The following ZNF707 variants were observed in gnomAD, a reference collection of about 807,000 sequenced individuals.
ZNF707 encodes the protein zinc finger protein 707.
ZNF707 carries 8 observed loss-of-function variants against 13.3 expected under a neutral mutation model. The observed-to-expected ratio is 0.60, with a 90% confidence interval of 0.35 to 1.09. The LOEUF is 1.09. Among genes scored for constraint, ZNF707 ranks in the 50% least tolerant of loss-of-function variants. The pLI is 0.02. For synonymous variants in ZNF707, 225 were observed against 205.6 expected (o/e 1.09, Z -0.81); for missense variants, 530 against 512.6 (o/e 1.03, Z -0.33).
intron 3 of ZNF707, 90 bp from the exon 4 acceptor site, chr8:143,690,983 G>T (rs141561869): frequency 1.1e-4 from 174 of 1,514,300 alleles, no homozygotes; most frequent in Non-Finnish European, 1.4e-4. Flanking sequence ...CCACCGCAGG[G>T]CCACTCCCAT....
At chr8:143,691,753 T>C (rs1554613710) in intron 5 of ZNF707, 40 bp downstream of exon 5, 2 of 1,504,500 alleles carry the variant, frequency 1.3e-6, no homozygotes. Context: ...GCCCCGTCCC[T>C]GTGGCCCACA....
chr8:143,686,610 A>G (rs1242824025), intron 1 of ZNF707, among the ~76,000 whole-genome samples: 1 of 152,030 alleles, frequency 6.6e-6, no homozygotes, highest in Non-Finnish European at 1.5e-5. Flanking sequence ...CCTTTGTCAG[A>G]TACATGTATT....
In ZNF707 at chr8:143,691,690, CAGTGCAGAGGG is replaced by C; in HGVS notation, c.234_244del (p.Val79ThrfsTer16). 6.2e-7 allele frequency: 1 copy of C among 1,600,704 alleles called. No individual in the cohort carries two copies. The highest frequency in any genetic ancestry group is 8.5e-7 in the Non-Finnish European group (1 of 1,174,320). ...GACCGGGAGAGACCTGAGTTCCAGG[CAGTGCAGAGGG>C]GACCCCGGCCAGGTGAGTGCTGGGC... On this transcript the variant is annotated frameshift_variant, in exon 5 of 6. Coordinates refer to ENST00000358656, the MANE Select transcript of ZNF707 (RefSeq NM_001100598.2). LOFTEE classifies it low-confidence loss of function (END_TRUNC).
In ZNF707 at chr8:143,690,087, G is replaced by C; in HGVS notation, c.-22G>C. ...CCCTCCTTGGCACTGTGCTTCCCCAGAGGGGTGGCCTCGCTGTTCCCATGG... is the reference window on the plus strand; with the variant it reads ...CCCTCCTTGGCACTGTGCTTCCCCACAGGGGTGGCCTCGCTGTTCCCATGG... On this transcript the variant is annotated 5_prime_UTR_variant, in exon 3 of 6. Coordinates refer to ENST00000358656, the MANE Select transcript of ZNF707 (RefSeq NM_001100598.2). The C allele has an allele frequency of 6.2e-7, 1 of 1,609,096 alleles. No individual in the cohort carries two copies. Among genetic ancestry groups the C allele is most frequent in the Non-Finnish European group, 8.5e-7 (1 of 1,179,774 alleles).
In ZNF707 at chr8:143,684,488, TG is replaced by T. The variant is rs1190771225; in HGVS notation, c.-202del. The T allele has an allele frequency of 6.6e-6, 1 of 152,134 alleles. No individual in the cohort carries two copies. Among genetic ancestry groups the T allele is most frequent in the Non-Finnish European group, 1.5e-5 (1 of 68,070 alleles). The allele number at this position is 152,134 out of a possible 1,614,324, so 9.4% of individuals were successfully genotyped here. The stretch of plus-strand genomic sequence containing the variant: ...TCCGCTCGGGAAGTTTGTAAAAGTC[TG>T]GGCTACCGGCGCGGCGTAGTGGATG... On this transcript the variant is annotated 5_prime_UTR_variant, in exon 1 of 6. Coordinates refer to ENST00000358656, the MANE Select transcript of ZNF707 (RefSeq NM_001100598.2).
rs782532924 is a variant in ZNF707 at position 143,691,626 on chromosome 8, G to A, written c.169G>A (p.Val57Ile). 3.7e-6 allele frequency: 6 copies of A among 1,609,182 alleles called. No individual in the cohort carries two copies. The highest frequency in any genetic ancestry group is 4.2e-6 in the Non-Finnish European group (5 of 1,178,182). ...LGFCSPRPDL[V>I]SRLEQWEEPW... is the part of the protein sequence containing the mutation. ...ATTTTGCAGCCCCAGACCAGACCTC[G>A]TCTCTCGCCTGGAACAGTGGGAGGA... Residue 57 changes from valine (V) to isoleucine (I), a missense_variant, in exon 5 of 6, where the codon GTC becomes ATC. Physicochemically the swap from Val to Ile is conservative, Grantham distance 29 (BLOSUM62 3). Transcript: ENST00000358656.
chr8:143,691,101 T>C lies in ZNF707; in HGVS notation c.44T>C (p.Ile15Thr). The change falls in exon 4 of 6, where the codon ATC (isoleucine) becomes ACC (threonine). Residue 15 changes from isoleucine (I) to threonine (T), a missense_variant. By Grantham distance (89) the Ile-to-Thr change is moderately conservative. Transcript: ENST00000358656. ...QEPVTFRDVA[I>T]YFSREEWACL... ...CCAGTGACCTTCAGGGACGTGGCCA[T>C]CTACTTCTCAAGGGAGGAGTGGGCG... 1.2e-6 allele frequency: 2 copies of C among 1,613,888 alleles called. No homozygotes were observed. Among genetic ancestry groups the C allele is most frequent in the Non-Finnish European group, 1.7e-6 (2 of 1,179,866 alleles).
At chr8:143,688,726 C>G (rs975693518) in intron 1 of ZNF707, 1 of 150,498 alleles carries the variant, frequency 6.6e-6, no homozygotes, top group Admixed American at 6.6e-5. Flanking sequence ...CTGCAACCTC[C>G]GCCTCCCATA....
At chr8:143,687,275 C>CA (rs1816377607) in intron 1 of ZNF707, 1 of 152,296 alleles carries the variant, frequency 6.6e-6, no homozygotes, top group Non-Finnish European at 1.5e-5. Flanking sequence ...GGCTGGAGTG[C>CA]AGTGGCACAA....
chr8:143,689,614 T>G (rs1476945828), intron 2 of ZNF707, among the ~76,000 whole-genome samples: 1 of 152,140 alleles, frequency 6.6e-6, no homozygotes, highest in African/African-American at 2.4e-5. Context: ...GTGGCCTCCT[T>G]GTAGCGTACC....
At position 143,694,320 on chromosome 8, in the gene ZNF707, C is replaced by A; in HGVS notation, c.906C>A (p.Asn302Lys). ...DCGKAFRTKE[N>K]LSHHQRVHSG... The stretch of plus-strand genomic sequence containing the variant: ...GCAAAGCCTTCCGGACCAAGGAGAA[C>A]CTCAGCCACCACCAGAGGGTCCACA... Residue 302 changes from asparagine to lysine, a missense_variant, in exon 6 of 6, where the codon AAC (asparagine) becomes AAA (lysine). By Grantham distance (94) the Asn-to-Lys change is moderately conservative (BLOSUM62 0). Coordinates refer to ENST00000358656, the MANE Select transcript of ZNF707 (RefSeq NM_001100598.2). This position sits in a 1 kb window ranked among gnomAD's most constrained non-coding sequence, Gnocchi z 4.4. 6.2e-7 allele frequency: 1 copy of A among 1,602,792 alleles called. No homozygotes were observed. The highest frequency in any genetic ancestry group is 8.5e-7 in the Non-Finnish European group (1 of 1,173,014).
At chr8:143,689,987 G>T in intron 2 of ZNF707, 70 bp from the exon 3 acceptor site, 2 of 1,257,488 alleles carry the variant, frequency 1.6e-6, no homozygotes, top group African/African-American at 1.5e-5. Context: ...TGAGTGGGGG[G>T]GCTCCTGGGG....
In ZNF707 at chr8:143,694,122, C is replaced by T; in HGVS notation, c.708C>T (p.Ala236=). 2 of 1,600,750 alleles carry T rather than the reference C, an allele frequency of 1.2e-6. No homozygotes were observed. Among genetic ancestry groups the T allele is most frequent in the East Asian group, 4.5e-5 (2 of 44,512 alleles). The change falls in exon 6 of 6, where the codon GCC becomes GCT. Residue 236 remains alanine, a synonymous_variant. Coordinates refer to ENST00000358656, the MANE Select transcript of ZNF707 (RefSeq NM_001100598.2). This position sits in a 1 kb window ranked among gnomAD's most constrained non-coding sequence, Gnocchi z 4.4. ...HTREKPFCCE[A]CGQAFSLKDR... Reference sequence around the variant, plus strand: ...GCGAGAAGCCCTTCTGCTGCGAGGCCTGCGGGCAGGCGTTCAGCCTGAAGG... The same window carrying T: ...GCGAGAAGCCCTTCTGCTGCGAGGCTTGCGGGCAGGCGTTCAGCCTGAAGG...
chr8:143,692,218 G>C, intron 5 of ZNF707: 1 of 1,291,552 alleles, frequency 7.7e-7, no homozygotes, highest in Non-Finnish European at 1.0e-6. Context: ...TTGTCAGCAG[G>C]GTTTTGCTTT....
At chr8:143,691,315 A>G in intron 4 of ZNF707, 116 bp downstream of exon 4, 1 of 1,445,958 alleles carries the variant, frequency 6.9e-7, no homozygotes, top group Non-Finnish European at 9.1e-7. Context: ...GAGGGGGCTC[A>G]GGAGCTAGAA....
chr8:143,689,911 G>A, intron 2 of ZNF707, 146 bp from the exon 3 acceptor site: 1 of 629,910 alleles, frequency 1.6e-6, no homozygotes, highest in East Asian at 3.0e-5. Context: ...CCTGGTGGCT[G>A]TCAGTAGTTA....
intron 1 of ZNF707, chr8:143,688,845 TGG>T (rs1379924897): frequency 6.6e-6 from 1 of 152,206 alleles, no homozygotes; most frequent in Non-Finnish European, 1.5e-5. Context: ...GGGCAACTGC[TGG>T]GCTCGAACAG....
rs1450189633 is a variant in ZNF707, at chr8:143,693,054, C to T, written c.257-617C>T. Among the ~76,000 whole-genome samples the T allele has an allele frequency of 6.6e-6, 1 of 152,136 alleles. No homozygotes were observed. Among genetic ancestry groups the T allele is most frequent in the African/African-American group, 2.4e-5 (1 of 41,418 alleles). ...AAAGGACATTCTCTTGGCCCAGTTG[C>T]TTCTGTTGGTTGGCAGGCATGTGTC... On this transcript the variant is annotated intron_variant, in intron 5 of 5. Coordinates refer to ENST00000358656, the MANE Select transcript of ZNF707 (RefSeq NM_001100598.2). The surrounding 1 kb of genome is among the most constrained non-coding windows in gnomAD (Gnocchi z 4.1).
In ZNF707 at chr8:143,694,062, T is replaced by C; in HGVS notation, c.648T>C (p.Ala216=). Residue 216 remains alanine, a synonymous_variant, in exon 6 of 6, where the codon GCT becomes GCC. Coordinates refer to ENST00000358656, the MANE Select transcript of ZNF707 (RefSeq NM_001100598.2). The surrounding 1 kb of genome is among the most constrained non-coding windows in gnomAD (Gnocchi z 4.4). ...AGTGCGGCCAGACCTTCCGGTGGGC[T>C]TCAAACCTGCAGCGCCACCAGAAGA... The part of the protein sequence containing the change: ...CPECGQTFRW[A]SNLQRHQKNH... 6.2e-7 allele frequency: 1 copy of C among 1,604,568 alleles called. No individual in the cohort carries two copies. The highest frequency in any genetic ancestry group is 1.1e-5 in the South Asian group (1 of 90,452).
Sources: gnomAD v4.1 joint callset for allele counts (sites outside exome capture counted in the v4.1 genomes callset) on GRCh38, gnomAD v4.1.1 for gene constraint, Gnocchi (gnomAD v3.1) non-coding constraint, MANE v1.5 for transcripts, NCBI Gene and HGNC (gene_info 2026-07-23, HGNC 2026-07-21) for gene names.